The following ANKS1B variants were observed in gnomAD, a reference collection of about 807,000 sequenced individuals.
The protein encoded by ANKS1B is ankyrin repeat and sterile alpha motif domain-containing protein 1B.
In ANKS1B, 36 loss-of-function variants were observed where a neutral mutation model predicts 148.3. The ratio of observed to expected loss-of-function variants is 0.24; its 90% confidence interval spans 0.19 to 0.32. The LOEUF is 0.32. ANKS1B is among the 10% of genes least tolerant of loss of function. The probability of loss-of-function intolerance (pLI) is 1.00; values close to 1 mark genes in which losing one functional copy is unlikely to be tolerated. For missense variants in ANKS1B, 1,157 were observed against 1,542.6 expected, an observed-to-expected ratio of 0.75 and a Z score of 4.19; for synonymous variants, 542 against 560.8, an observed-to-expected ratio of 0.97 and a Z score of 0.47.
At chr12:99,172,072 G>A (rs997022386) in intron 14 of ANKS1B, among the ~76,000 whole-genome samples, 2 of 152,142 alleles carry the variant, frequency 1.3e-5, no homozygotes, top group African/African-American at 2.4e-5. Context: ...CCTTGAAGAC[G>A]TAGTAGGAAT....
chr12:98,830,940 A>ATTTTTTTTTTTTTTTTTTTTTT lies in ANKS1B; in HGVS notation c.2886+1067_2886+1088dup, dbSNP rs762642387. ...GTTCTCTTTAGTTTCCTACCTCATA[A>ATTTTTTTTTTTTTTTTTTTTTT]TTTTTTTTTTTTTTTTTTTTTTTTT... On this transcript the variant is annotated intron_variant, in intron 18 of 26. Coordinates refer to ENST00000683438, the MANE Select transcript of ANKS1B (RefSeq NM_001352186.2). The ATTTTTTTTTTTTTTTTTTTTTT allele has an allele frequency of 2.4e-4, 11 of 45,548 alleles. 2 individuals carry two copies. Among genetic ancestry groups the ATTTTTTTTTTTTTTTTTTTTTT allele is most frequent in the Non-Finnish European group, 3.5e-4 (9 of 26,032 alleles). 2.8% of individuals were successfully genotyped at this position (45,548 alleles called of 1,614,324 possible).
chr12:99,545,738 A>G (rs139108449), intron 9 of ANKS1B, among the ~76,000 whole-genome samples: 1,512 of 148,358 alleles, frequency 0.01, 35 homozygotes, highest in African/African-American at 0.036. Flanking sequence ...TTTGCAATAT[A>G]TATATACACA....
At chr12:99,141,847 GA>G (rs1423409303) in intron 15 of ANKS1B, among the ~76,000 whole-genome samples, 1 of 151,976 alleles carries the variant, frequency 6.6e-6, no homozygotes, top group Non-Finnish European at 1.5e-5. Context: ...CATTTCGGTT[GA>G]TTCTCATTTG....
chr12:98,974,934 C>A (rs2099890483), intron 17 of ANKS1B, among the ~76,000 whole-genome samples: 1 of 146,104 alleles, frequency 6.8e-6, no homozygotes, highest in African/African-American at 2.5e-5. Flanking sequence ...CCCTTTCCTC[C>A]TTCTTTCCTT....
Position 99,825,409 on chromosome 12 carries a change from G to T in ANKS1B, c.135-20C>A. On this transcript the variant is annotated intron_variant, in intron 1 of 26. Coordinates refer to ENST00000683438, the MANE Select transcript of ANKS1B (RefSeq NM_001352186.2). ...CAGATGCTGCAAATAAAGCACAAGC[G>T]CAGAGTTAACAGTGAAGCCAGATCT... is the stretch of plus-strand genomic sequence containing the variant. 6.3e-7 allele frequency: 1 copy of T among 1,595,778 alleles called. No homozygotes were observed. Among genetic ancestry groups the T allele is most frequent in the Middle Eastern group, 1.7e-4 (1 of 6,034 alleles).
chr12:98,961,852 T>C (rs1469844483), intron 17 of ANKS1B, among the ~76,000 whole-genome samples: 1 of 151,972 alleles, frequency 6.6e-6, no homozygotes, highest in East Asian at 1.9e-4. Context: ...AAATAATGGG[T>C]TATAAGATAG....
intron 15 of ANKS1B, among the ~76,000 whole-genome samples, chr12:99,123,013 T>TATATATATATATATATATAA (rs1406812994): frequency 6.9e-6 from 1 of 145,686 alleles, no homozygotes; most frequent in African/African-American, 2.5e-5. Flanking sequence ...TATATATATA[T>TATATATATATATATATATAA]AAACATGTAT....
At chr12:99,944,594 C>G (rs1025951857) in intron 1 of ANKS1B, among the ~76,000 whole-genome samples, 1 of 152,106 alleles carries the variant, frequency 6.6e-6, no homozygotes, top group African/African-American at 2.4e-5. Context: ...GGAATGGGTG[C>G]TGGACTCGCA....
At chr12:99,371,330 C>T (rs2152470644) in intron 12 of ANKS1B, among the ~76,000 whole-genome samples, 2 of 152,214 alleles carry the variant, frequency 1.3e-5, no homozygotes, top group South Asian at 4.2e-4. Flanking sequence ...CCAGGAAGCC[C>T]TAAACTCTTG....
At chr12:99,785,571 T>G (rs956740552) in intron 4 of ANKS1B, among the ~76,000 whole-genome samples, 3 of 152,038 alleles carry the variant, frequency 2.0e-5, no homozygotes, top group African/African-American at 7.2e-5. Flanking sequence ...GTAGCTGAGA[T>G]TAAGGCATGC....
chr12:99,420,745 G>T (rs977668172), intron 11 of ANKS1B, among the ~76,000 whole-genome samples: 2 of 152,074 alleles, frequency 1.3e-5, no homozygotes, highest in Non-Finnish European at 2.9e-5. Context: ...AAATAATCAA[G>T]AATTGTTATG....
chr12:99,232,167 C>T (rs901930807), intron 14 of ANKS1B, among the ~76,000 whole-genome samples: 3 of 152,054 alleles, frequency 2.0e-5, no homozygotes, highest in African/African-American at 7.2e-5. Flanking sequence ...CTTTATCTAT[C>T]CAATATAGAC....
chr12:99,320,296 T>G (rs1309997836), intron 12 of ANKS1B, among the ~76,000 whole-genome samples: 1 of 152,252 alleles, frequency 6.6e-6, no homozygotes, highest in South Asian at 2.1e-4. Flanking sequence ...TTTTCCAACT[T>G]GGTTCTGTTC....
In ANKS1B at chr12:99,271,622, A is replaced by G. The variant is rs561475586; in HGVS notation, c.1757-24758T>C. On this transcript the variant is annotated intron_variant, in intron 12 of 26. Transcript: ENST00000683438. ...AAAAGTTGTTCACCCACAGTATGAGACACATCATATATTTATTCAGTCAGT... is the reference window on the plus strand; with the variant it reads ...AAAAGTTGTTCACCCACAGTATGAGGCACATCATATATTTATTCAGTCAGT... Among the ~76,000 whole-genome samples, 3 of 143,186 alleles carry G rather than the reference A, an allele frequency of 2.1e-5. No individual in the cohort carries two copies. The South Asian group carries it at 6.5e-4, about 31-fold the overall frequency. The allele number at this position is 143,186 out of a possible 152,430, so 93.9% of individuals were successfully genotyped here. A position where few individuals can be genotyped will look rare whatever the true frequency, so the allele number is the denominator to read the frequency against.
At chr12:99,389,172 G>A (rs1486111713) in intron 12 of ANKS1B, among the ~76,000 whole-genome samples, 1 of 152,214 alleles carries the variant, frequency 6.6e-6, no homozygotes, top group African/African-American at 2.4e-5. Context: ...CTATCCAGTA[G>A]GTAGAAGTAA....
chr12:98,945,514 A>ACAAAC (rs1597375080), intron 17 of ANKS1B, among the ~76,000 whole-genome samples: 3 of 134,694 alleles, frequency 2.2e-5, no homozygotes, highest in Non-Finnish European at 5.0e-5. Context: ...ACAAAAAAAA[A>ACAAAC]AAAAAAAAAA....
chr12:98,907,157 T>A (rs892443869), intron 17 of ANKS1B, among the ~76,000 whole-genome samples: 3 of 152,170 alleles, frequency 2.0e-5, no homozygotes, highest in Non-Finnish European at 4.4e-5. Context: ...CCTGAACTTA[T>A]TCATAACTGC....
At chr12:98,810,176 A>G (rs1028291254) in intron 19 of ANKS1B, among the ~76,000 whole-genome samples, 14 of 152,376 alleles carry the variant, frequency 9.2e-5, no homozygotes, top group African/African-American at 2.9e-4. Context: ...AGATTGATTC[A>G]GTAACTTTAT....
chr12:99,672,330 C>T (rs1033702169), intron 8 of ANKS1B, among the ~76,000 whole-genome samples: 1 of 152,120 alleles, frequency 6.6e-6, no homozygotes, highest in South Asian at 2.1e-4. Context: ...CTAATTTCAT[C>T]TTCAAGAAAA....
Sources: gnomAD v4.1 joint callset for allele counts (sites outside exome capture counted in the v4.1 genomes callset) on GRCh38, gnomAD v4.1.1 for gene constraint, MANE v1.5 for transcripts, NCBI Gene and HGNC (gene_info 2026-07-23, HGNC 2026-07-21) for gene names.